The following EIF2AK4 variants were observed in gnomAD, a reference collection of about 807,000 sequenced individuals.
EIF2AK4 encodes eukaryotic translation initiation factor 2 alpha kinase 4, also known as eIF-2-alpha kinase GCN2.
Under a neutral mutation model 211.1 loss-of-function variants are expected in EIF2AK4, and 139 were observed. The observed-to-expected ratio is 0.66, with a 90% confidence interval of 0.57 to 0.76. The LOEUF is 0.76. Among genes scored for constraint, EIF2AK4 ranks in the 30% least tolerant of loss-of-function variants. The probability of loss-of-function intolerance (pLI) is 0.00; values close to 1 mark genes in which losing one functional copy is unlikely to be tolerated. For synonymous variants in EIF2AK4, 710 were observed against 751.3 expected (o/e 0.94, Z 0.90); for missense variants, 1,664 against 2,043.8 (o/e 0.81, Z 3.58).
intron 31 of EIF2AK4, among the ~76,000 whole-genome samples, chr15:40,021,248 C>T (rs762140098): frequency 2.9e-4 from 44 of 152,172 alleles, no homozygotes; most frequent in Admixed American, 2.6e-4. Flanking sequence ...TCCAAAAGCA[C>T]TTTCACTGGG....
intron 21 of EIF2AK4, among the ~76,000 whole-genome samples, chr15:40,001,649 AAAG>A (rs1381191938): frequency 6.6e-6 from 1 of 151,538 alleles, no homozygotes; most frequent in East Asian, 1.9e-4. Context: ...AAAAAAAAAA[AAAG>A]AAACAGTGCA....
At chr15:39,981,964 G>A (rs908474401) in intron 13 of EIF2AK4, among the ~76,000 whole-genome samples, 4 of 130,622 alleles carry the variant, frequency 3.1e-5, no homozygotes, top group African/African-American at 8.6e-5. Context: ...CTCACTCATC[G>A]CCCAGGCTGG....
At position 39,942,957 on chromosome 15, in the gene EIF2AK4, G is replaced by A. The variant is rs182311237; in HGVS notation, c.258-426G>A. Among the ~76,000 whole-genome samples the A allele has an allele frequency of 1.1e-3, 163 of 152,272 alleles. 1 individual carries two copies. In the South Asian group the frequency reaches 0.031, roughly 29 times the overall value. On this transcript the variant is annotated intron_variant, in intron 2 of 38. Transcript: ENST00000263791. ...GTTAATTCTCATTGGCTGCAAGCTAGGGTAGAGAATTACCATACAAAGGAG... is the reference window on the plus strand; with the variant it reads ...GTTAATTCTCATTGGCTGCAAGCTAAGGTAGAGAATTACCATACAAAGGAG...
chr15:40,006,305 G>A (rs1271607915), intron 23 of EIF2AK4, among the ~76,000 whole-genome samples: 5 of 151,538 alleles, frequency 3.3e-5, no homozygotes, highest in South Asian at 2.1e-4. Context: ...AGACATTTGC[G>A]TTTTGTTGAA....
chr15:40,022,879 G>GC (rs992427365), intron 32 of EIF2AK4, among the ~76,000 whole-genome samples: 2 of 152,148 alleles, frequency 1.3e-5, no homozygotes, highest in African/African-American at 4.8e-5. Flanking sequence ...GACTGCAGGT[G>GC]CCCGCCACCA....
chr15:39,955,570 C>G (rs1266381383), intron 5 of EIF2AK4, 50 bp from the exon 6 acceptor site: 3 of 1,545,000 alleles, frequency 1.9e-6, no homozygotes, highest in Non-Finnish European at 2.6e-6. Flanking sequence ...CCATGATTTT[C>G]TTCCATGTAT....
chr15:40,022,508 G>A lies in EIF2AK4; in HGVS notation c.4303-11G>A, dbSNP rs1258182631. 1 of 1,611,156 alleles carries A rather than the reference G, an allele frequency of 6.2e-7. No individual in the cohort carries two copies. Among genetic ancestry groups the A allele is most frequent in the Non-Finnish European group, 8.5e-7 (1 of 1,178,126 alleles). On this transcript the variant is annotated splice_polypyrimidine_tract_variant and intron_variant, in intron 31 of 38. Transcript: ENST00000263791. Reference sequence around the variant, plus strand: ...TGTGTTTATTTTCTTTACTATGTTTGTTTGTTTCAGTCCCAAGAGGAATTA... The same window carrying A: ...TGTGTTTATTTTCTTTACTATGTTTATTTGTTTCAGTCCCAAGAGGAATTA...
At chr15:39,939,717 AT>A (rs2034118410) in intron 2 of EIF2AK4, 100 bp downstream of exon 2, 1 of 875,092 alleles carries the variant, frequency 1.1e-6, no homozygotes, top group African/African-American at 1.7e-5. Flanking sequence ...TCCTGCTCCC[AT>A]TCCACATAAA....
intron 35 of EIF2AK4, among the ~76,000 whole-genome samples, chr15:40,031,038 G>A (rs1350517093): frequency 4.6e-5 from 7 of 152,168 alleles, no homozygotes; most frequent in African/African-American, 1.2e-4. Context: ...TCAGGAGTTC[G>A]AGACCACCCT....
At chr15:39,940,731 C>T (rs941713796) in intron 2 of EIF2AK4, among the ~76,000 whole-genome samples, 1 of 151,842 alleles carries the variant, frequency 6.6e-6, no homozygotes, top group South Asian at 2.1e-4. Context: ...TTTTCTGATA[C>T]CATGTGGGTG....
At chr15:40,033,238 G>C (rs188804937) in intron 37 of EIF2AK4, among the ~76,000 whole-genome samples, 1 of 152,240 alleles carries the variant, frequency 6.6e-6, no homozygotes, top group East Asian at 1.9e-4. Flanking sequence ...GTAGAACCAG[G>C]ATTTGAACCT....
intron 20 of EIF2AK4, among the ~76,000 whole-genome samples, chr15:40,000,169 CT>C (rs2035071687): frequency 6.6e-6 from 1 of 152,088 alleles, no homozygotes; most frequent in African/African-American, 2.4e-5. Flanking sequence ...TTTAATATAC[CT>C]TTCATAAAAG....
At chr15:40,024,866 A>G (rs1330813642) in intron 32 of EIF2AK4, among the ~76,000 whole-genome samples, 3 of 151,914 alleles carry the variant, frequency 2.0e-5, no homozygotes, top group Admixed American at 2.0e-4. Flanking sequence ...AGCTGGGACT[A>G]CAGGCACGCA....
chr15:39,957,690 G>A (rs571052222), intron 6 of EIF2AK4, among the ~76,000 whole-genome samples: 2 of 152,108 alleles, frequency 1.3e-5, no homozygotes, highest in South Asian at 2.1e-4. Flanking sequence ...GCCTGAAATC[G>A]TGCCTGGAAG....
Position 39,961,859 on chromosome 15 carries a change from G to A in EIF2AK4, c.819G>A (p.Gly273=), listed in dbSNP as rs1458805577. 6.2e-7 allele frequency: 1 copy of A among 1,614,126 alleles called. No individual in the cohort carries two copies. Among genetic ancestry groups the A allele is most frequent in the South Asian group, 1.1e-5 (1 of 91,082 alleles). ...GTGAAATTCTGTATTTCAATATGGGGAGTCCTGATCAGCTCATGGTGCACA... is the reference window on the plus strand; with the variant it reads ...GTGAAATTCTGTATTTCAATATGGGAAGTCCTGATCAGCTCATGGTGCACA... ...GSCEILYFNM[G]SPDQLMVHKG... The change falls in exon 7 of 39, where the codon GGG becomes GGA. Residue 273 remains glycine (G), a synonymous_variant. Transcript: ENST00000263791.
At chr15:39,996,818 A>G (rs776223336) in intron 18 of EIF2AK4, 146 bp from the exon 19 acceptor site, 17 of 583,756 alleles carry the variant, frequency 2.9e-5, no homozygotes, top group Non-Finnish European at 5.2e-5. Flanking sequence ...CATAATTTTT[A>G]AGAACAAATC....
intron 13 of EIF2AK4, among the ~76,000 whole-genome samples, chr15:39,980,149 C>T (rs917104624): frequency 3.3e-5 from 5 of 152,162 alleles, no homozygotes; most frequent in African/African-American, 9.7e-5. Flanking sequence ...ATTCTTTCAA[C>T]GTCAATGTAC....
At chr15:39,960,793 G>A (rs924196957) in intron 6 of EIF2AK4, among the ~76,000 whole-genome samples, 5 of 152,142 alleles carry the variant, frequency 3.3e-5, no homozygotes, top group Admixed American at 6.6e-5. Flanking sequence ...GACAGGGGTA[G>A]CCATCCTTCC....
intron 33 of EIF2AK4, among the ~76,000 whole-genome samples, chr15:40,028,408 C>A (rs2035494797): frequency 6.6e-6 from 1 of 152,144 alleles, no homozygotes; most frequent in African/African-American, 2.4e-5. Context: ...TCTCAACCAA[C>A]AATGATTTTG....
Sources: gnomAD v4.1 joint callset for allele counts (sites outside exome capture counted in the v4.1 genomes callset) on GRCh38, gnomAD v4.1.1 for gene constraint, MANE v1.5 for transcripts, NCBI Gene and HGNC (gene_info 2026-07-23, HGNC 2026-07-21) for gene names.